NHERF1: variants seen among roughly 807,000 people sequenced by gnomAD.
The protein encoded by NHERF1 is NHERF family PDZ scaffold protein 1.
the NHERF1 span, chr17:74,748,687 G>C: frequency 1.6e-6 from 1 of 629,576 alleles, no homozygotes; most frequent in Non-Finnish European, 2.7e-6. This position sits in a 1 kb window ranked among gnomAD's most constrained non-coding sequence, Gnocchi z 4.3. Flanking sequence ...GCGGCTCGCG[G>C]CGGCCGACGG....
At chr17:74,757,911 A>G in the NHERF1 span, among the ~76,000 whole-genome samples, 1 of 152,086 alleles carries the variant, frequency 6.6e-6, no homozygotes, top group Non-Finnish European at 1.5e-5. Context: ...AGGTGGGGTT[A>G]CCTCTGTTGT....
the NHERF1 span, chr17:74,762,089 C>G: frequency 6.2e-7 from 1 of 1,614,128 alleles, no homozygotes; most frequent in Non-Finnish European, 8.5e-7. This position sits in a 1 kb window ranked among gnomAD's most constrained non-coding sequence, Gnocchi z 4.2. Flanking sequence ...GCGACAAGTC[C>G]AAGCCAGGCC....
chr17:74,754,259 C>T, the NHERF1 span, among the ~76,000 whole-genome samples: 5 of 152,050 alleles, frequency 3.3e-5, no homozygotes, highest in African/African-American at 4.8e-5. Flanking sequence ...ACCCCAATAA[C>T]AAATGTTCCT....
the NHERF1 span, among the ~76,000 whole-genome samples, chr17:74,766,551 G>T: frequency 6.6e-6 from 1 of 151,590 alleles, no homozygotes; most frequent in Non-Finnish European, 1.5e-5. Context: ...AAATATCAAA[G>T]AACACTGTAG....
At chr17:74,749,383 G>T in the NHERF1 span, 4 of 1,234,974 alleles carry the variant, frequency 3.2e-6, no homozygotes, top group Non-Finnish European at 4.3e-6. The surrounding 1 kb of genome is among the most constrained non-coding windows in gnomAD (Gnocchi z 5.6). Context: ...GCCCGCCGTC[G>T]TTTTTCTGAA....
the NHERF1 span, among the ~76,000 whole-genome samples, chr17:74,751,834 C>A: frequency 6.6e-6 from 1 of 152,248 alleles, no homozygotes; most frequent in Non-Finnish European, 1.5e-5. This position sits in a 1 kb window ranked among gnomAD's most constrained non-coding sequence, Gnocchi z 4.3. Context: ...ACTAGCCAGG[C>A]TGTGCGAAGC....
chr17:74,757,732 T>C, the NHERF1 span, among the ~76,000 whole-genome samples: 1 of 152,010 alleles, frequency 6.6e-6, no homozygotes, highest in African/African-American at 2.4e-5. Flanking sequence ...CCCAACATAC[T>C]CCTGACACAC....
chr17:74,763,985 T>C, the NHERF1 span, among the ~76,000 whole-genome samples: 1 of 152,180 alleles, frequency 6.6e-6, no homozygotes, highest in South Asian at 2.1e-4. Context: ...AAACTCAGCC[T>C]TGCTGGCTCT....
the NHERF1 span, among the ~76,000 whole-genome samples, chr17:74,756,330 G>A: frequency 4.4e-5 from 6 of 136,870 alleles, no homozygotes; most frequent in East Asian, 1.1e-3. Context: ...CCAGGCTGGA[G>A]TGCAGTGGCG....
chr17:74,761,307 G>A, the NHERF1 span, among the ~76,000 whole-genome samples: 1 of 152,296 alleles, frequency 6.6e-6, no homozygotes, highest in African/African-American at 2.4e-5. The surrounding 1 kb of genome is among the most constrained non-coding windows in gnomAD (Gnocchi z 4.3). Flanking sequence ...CTCTGCCCTT[G>A]GGCAGCGGTG....
the NHERF1 span, chr17:74,749,165 C>G: frequency 2.6e-6 from 4 of 1,541,528 alleles, no homozygotes; most frequent in African/African-American, 1.4e-5. The surrounding 1 kb of genome is among the most constrained non-coding windows in gnomAD (Gnocchi z 5.6). Flanking sequence ...CGTCCAGGTC[C>G]GAGAGGAGCT....
At chr17:74,749,267 G>T in the NHERF1 span, 1 of 1,529,316 alleles carries the variant, frequency 6.5e-7, no homozygotes, top group South Asian at 1.2e-5. This position sits in a 1 kb window ranked among gnomAD's most constrained non-coding sequence, Gnocchi z 5.6. Flanking sequence ...TCGCGAGGCC[G>T]ACAAGAGCCA....
At chr17:74,769,085 C>T in the NHERF1 span, 27 of 187,272 alleles carry the variant, frequency 1.4e-4, no homozygotes, top group Non-Finnish European at 2.3e-4. Flanking sequence ...ACCCTGAGAC[C>T]TGTGGCAGAC....
chr17:74,753,725 C>T, the NHERF1 span, among the ~76,000 whole-genome samples: 7 of 145,986 alleles, frequency 4.8e-5, no homozygotes, highest in Middle Eastern at 3.7e-3. Context: ...CTCGTCTCTA[C>T]CAAAAAAACA....
At chr17:74,753,096 G>A in the NHERF1 span, among the ~76,000 whole-genome samples, 1 of 152,158 alleles carries the variant, frequency 6.6e-6, no homozygotes, top group Non-Finnish European at 1.5e-5. Context: ...CAGGCTTTGG[G>A]GTCAGCCAGA....
chr17:74,765,885 A>G, the NHERF1 span, among the ~76,000 whole-genome samples: 2 of 151,968 alleles, frequency 1.3e-5, no homozygotes, highest in East Asian at 1.9e-4. Context: ...GGTACTAACT[A>G]TAGTCTGGGG....
the NHERF1 span, chr17:74,763,572 G>A: frequency 6.5e-7 from 1 of 1,543,898 alleles, no homozygotes; most frequent in East Asian, 2.4e-5. Flanking sequence ...CCCCAAGTCA[G>A]GGATGTGAGC....
At chr17:74,751,250 C>T in the NHERF1 span, among the ~76,000 whole-genome samples, 1 of 152,208 alleles carries the variant, frequency 6.6e-6, no homozygotes, top group Admixed American at 6.5e-5. This position sits in a 1 kb window ranked among gnomAD's most constrained non-coding sequence, Gnocchi z 4.3. Flanking sequence ...GCAGAAAATC[C>T]TCTCCTCTCA....
At chr17:74,766,189 TTTG>T in the NHERF1 span, among the ~76,000 whole-genome samples, 2 of 151,662 alleles carry the variant, frequency 1.3e-5, no homozygotes, top group Non-Finnish European at 2.9e-5. Context: ...GTTTGTTTTT[TTTG>T]TTTTGTTTTG....
Sources: allele counts gnomAD v4.1 joint callset (sites outside exome capture counted in the v4.1 genomes callset), GRCh38; gene constraint gnomAD v4.1.1; non-coding constraint Gnocchi (gnomAD v3.1); transcripts MANE v1.5; gene names NCBI Gene and HGNC (gene_info 2026-07-23, HGNC 2026-07-21).